CLDN20: variants seen among roughly 807,000 people sequenced by gnomAD.
CLDN20 encodes claudin-20.
For synonymous variants in CLDN20, 104 were observed against 103.6 expected, an observed-to-expected ratio of 1.00 and a Z score of -0.03; for missense variants, 258 against 267.9, an observed-to-expected ratio of 0.96 and a Z score of 0.26.
intron 1 of CLDN20, among the ~76,000 whole-genome samples, chr6:155,271,036 G>C (rs1357693632): frequency 6.6e-6 from 1 of 152,006 alleles, no homozygotes; most frequent in Non-Finnish European, 1.5e-5. Flanking sequence ...TTAGAAAAGA[G>C]GAAAAAGAGT....
chr6:155,273,812 TG>T (rs1200020118), intron 1 of CLDN20, among the ~76,000 whole-genome samples: 1 of 152,132 alleles, frequency 6.6e-6, no homozygotes, highest in African/African-American at 2.4e-5. Context: ...CATTCTGATC[TG>T]AAAAAACAAG....
At chr6:155,275,030 A>T (rs1178329568) in intron 1 of CLDN20, among the ~76,000 whole-genome samples, 3 of 152,106 alleles carry the variant, frequency 2.0e-5, no homozygotes, top group South Asian at 2.1e-4. Context: ...CATCCTGGCT[A>T]ACAGGGTGAA....
intron 1 of CLDN20, among the ~76,000 whole-genome samples, chr6:155,273,818 A>G (rs1475351519): frequency 6.6e-6 from 1 of 152,192 alleles, no homozygotes; most frequent in East Asian, 1.9e-4. Context: ...GATCTGAAAA[A>G]ACAAGGATGC....
chr6:155,264,479 TGACA>T (rs1784530940), intron 1 of CLDN20, among the ~76,000 whole-genome samples, 191 bp downstream of exon 1: 1 of 152,260 alleles, frequency 6.6e-6, no homozygotes, highest in South Asian at 2.1e-4. Flanking sequence ...ACCTTAAAGC[TGACA>T]GCATTCTAAG....
intron 1 of CLDN20, among the ~76,000 whole-genome samples, chr6:155,272,002 G>A (rs912301002): frequency 9.2e-5 from 14 of 152,092 alleles, no homozygotes; most frequent in African/African-American, 3.4e-4. Flanking sequence ...AACACCATCA[G>A]CAGTTTTTAC....
At position 155,264,270 on chromosome 6, in the gene CLDN20, G is replaced by C. The variant is rs1430472074; in HGVS notation, c.-123G>C. On this transcript the variant is annotated 5_prime_UTR_variant, in exon 1 of 2. Transcript: ENST00000367165. ...TCCACTTTAGGACATCACGGGCCTC[G>C]AGGTTACAACTTTCCCAGGTAAGGA... 6.6e-6 allele frequency: 1 copy of C among 152,124 alleles called. No individual in the cohort carries two copies. Among genetic ancestry groups the C allele is most frequent in the South Asian group, 2.1e-4 (1 of 4,820 alleles). 9.4% of individuals were successfully genotyped at this position (152,124 alleles called of 1,614,324 possible).
Position 155,266,742 on chromosome 6 carries a change from G to A in CLDN20, c.-105+2454G>A, listed in dbSNP as rs552755011. On this transcript the variant is annotated intron_variant, in intron 1 of 1. Coordinates refer to ENST00000367165, the MANE Select transcript of CLDN20 (RefSeq NM_001001346.3). ...GCCGCCTGTAGTCCCCGCTACTTGG[G>A]AGGCTGAGGCAGGAGAATGGCGTGA... 6.7e-5 allele frequency among the ~76,000 whole-genome samples: 10 copies of A among 150,328 alleles called. No individual in the cohort carries two copies. In the South Asian group the frequency reaches 1.7e-3, roughly 25 times the overall value.
At chr6:155,274,993 C>T (rs1969863) in intron 1 of CLDN20, among the ~76,000 whole-genome samples, 98,242 of 151,718 alleles carry the variant, frequency 0.65, 32,471 homozygotes, top group East Asian at 0.98. Flanking sequence ...CCGAGGTGGG[C>T]GGATCACGAG....
At chr6:155,274,157 GC>G (rs1379005884) in intron 1 of CLDN20, among the ~76,000 whole-genome samples, 2 of 152,326 alleles carry the variant, frequency 1.3e-5, no homozygotes, top group African/African-American at 4.8e-5. Flanking sequence ...TGACTCAAGA[GC>G]CTGTATCACC....
Position 155,264,300 on chromosome 6 carries a change from C to T in CLDN20, c.-105+12C>T, listed in dbSNP as rs1027640495. On this transcript the variant is annotated intron_variant, in intron 1 of 1. Transcript: ENST00000367165. The stretch of plus-strand genomic sequence containing the variant: ...TACAACTTTCCCAGGTAAGGAGAAT[C>T]CCAGGTAGAGGCAGCAAGTCACTGA... The T allele has an allele frequency of 6.6e-6, 1 of 152,114 alleles. No homozygotes were observed. The highest frequency in any genetic ancestry group is 1.5e-5 in the Non-Finnish European group (1 of 68,008). 9.4% of individuals were successfully genotyped at this position (152,114 alleles called of 1,614,324 possible). A position where few individuals can be genotyped will look rare whatever the true frequency, so the allele number is the denominator to read the frequency against.
intron 1 of CLDN20, among the ~76,000 whole-genome samples, chr6:155,270,183 C>T (rs182409652): frequency 2.6e-5 from 4 of 152,242 alleles, no homozygotes; most frequent in South Asian, 2.1e-4. Flanking sequence ...CTGGGAAGAC[C>T]GTGGGGAGAA....
At chr6:155,267,528 TG>T (rs1268502619) in intron 1 of CLDN20, among the ~76,000 whole-genome samples, 11 of 152,216 alleles carry the variant, frequency 7.2e-5, no homozygotes, top group African/African-American at 2.4e-4. Flanking sequence ...GAGAAGCTTT[TG>T]GGTGTGGACA....
intron 1 of CLDN20, among the ~76,000 whole-genome samples, 157 bp from the exon 2 acceptor site, chr6:155,275,459 T>C (rs1055214091): frequency 4.6e-5 from 7 of 152,124 alleles, no homozygotes; most frequent in African/African-American, 1.7e-4. Flanking sequence ...CTTCAAGGCC[T>C]GGTGGGAGCT....
chr6:155,270,007 G>A (rs1413981100), intron 1 of CLDN20, among the ~76,000 whole-genome samples: 3 of 152,196 alleles, frequency 2.0e-5, no homozygotes, highest in African/African-American at 7.2e-5. Flanking sequence ...GAGGTCTTGC[G>A]CTACAGTGGA....
At chr6:155,272,161 C>T (rs770579120) in intron 1 of CLDN20, among the ~76,000 whole-genome samples, 3 of 152,008 alleles carry the variant, frequency 2.0e-5, no homozygotes, top group Non-Finnish European at 2.9e-5. Flanking sequence ...GACAACTGAC[C>T]GAAGGAGTTA....
At chr6:155,271,239 T>C (rs1413376540) in intron 1 of CLDN20, among the ~76,000 whole-genome samples, 3 of 152,210 alleles carry the variant, frequency 2.0e-5, no homozygotes, top group Non-Finnish European at 4.4e-5. Context: ...ATTTATAGCT[T>C]GTAGAATAAA....
intron 1 of CLDN20, among the ~76,000 whole-genome samples, chr6:155,267,448 C>T (rs1387293044): frequency 1.3e-5 from 2 of 152,188 alleles, no homozygotes; most frequent in African/African-American, 4.8e-5. Context: ...GTCCAAAGAA[C>T]AAAAGGAAGG....
chr6:155,269,319 CTTTTCTTTT>C (rs1784815481), intron 1 of CLDN20, among the ~76,000 whole-genome samples: 1 of 98,030 alleles, frequency 1.0e-5, no homozygotes, highest in African/African-American at 4.1e-5. Flanking sequence ...CTTTTCTTTT[CTTTTCTTTT>C]TTTTTTTTTT....
intron 1 of CLDN20, among the ~76,000 whole-genome samples, chr6:155,266,776 G>A (rs1252895406): frequency 6.7e-6 from 1 of 150,342 alleles, no homozygotes; most frequent in Admixed American, 6.6e-5. Context: ...GAGCCTGGGA[G>A]GCGGAGCTTG....
Sources: allele counts gnomAD v4.1 joint callset (sites outside exome capture counted in the v4.1 genomes callset), GRCh38; gene constraint gnomAD v4.1.1; transcripts MANE v1.5; gene names NCBI Gene and HGNC (gene_info 2026-07-23, HGNC 2026-07-21).